Variants in KCNB2 observed in about 807,000 individuals in gnomAD.
KCNB2 encodes the protein potassium voltage-gated channel subfamily B member 2.
In KCNB2, 15 loss-of-function variants were observed where a neutral mutation model predicts 61.5. That is an observed-to-expected ratio of 0.24 (90% CI 0.16 to 0.38). The LOEUF is 0.38. Ranked by LOEUF, KCNB2 falls within the 10% of genes least tolerant of loss-of-function variation. KCNB2 has a pLI of 1.00. For synonymous variants in KCNB2, 457 were observed against 446.0 expected (o/e 1.02, Z -0.31); for missense variants, 828 against 1,125.2 (o/e 0.74, Z 3.78).
chr8:72,911,602 G>A (rs1006171258), intron 2 of KCNB2, among the ~76,000 whole-genome samples: 3 of 152,208 alleles, frequency 2.0e-5, no homozygotes, highest in African/African-American at 7.2e-5. Flanking sequence ...TGCCTTTTTA[G>A]CCAGGACTTT....
intron 2 of KCNB2, among the ~76,000 whole-genome samples, chr8:72,599,234 C>T (rs1010859364): frequency 2.0e-5 from 3 of 152,180 alleles, no homozygotes; most frequent in African/African-American, 7.2e-5. Flanking sequence ...CAGCATGGTA[C>T]TGCTACCAAA....
At chr8:72,848,130 T>C (rs1810030903) in intron 2 of KCNB2, among the ~76,000 whole-genome samples, 1 of 152,208 alleles carries the variant, frequency 6.6e-6, no homozygotes, top group Non-Finnish European at 1.5e-5. Context: ...TTTACACCAG[T>C]GAGGCCCAAT....
At chr8:72,713,022 A>C (rs2439338) in intron 2 of KCNB2, among the ~76,000 whole-genome samples, 104,083 of 152,194 alleles carry the variant, frequency 0.68, 36,497 homozygotes, top group African/African-American at 0.83. Context: ...TATCCCACAC[A>C]TGGCTTGGAG....
chr8:72,777,150 A>G (rs1044361334), intron 2 of KCNB2, among the ~76,000 whole-genome samples: 3 of 152,160 alleles, frequency 2.0e-5, no homozygotes, highest in Admixed American at 6.5e-5. Context: ...CTCTTTTTGT[A>G]GTGTACTGAT....
intron 2 of KCNB2, among the ~76,000 whole-genome samples, chr8:72,620,843 G>A (rs1306869341): frequency 6.6e-6 from 1 of 152,026 alleles, no homozygotes; most frequent in Non-Finnish European, 1.5e-5. Context: ...CCTGACCTCA[G>A]TTGATCCACC....
In KCNB2 at chr8:72,616,159, T is replaced by G. The variant is rs572142873; in HGVS notation, c.579+47846T>G. Reference sequence around the variant, plus strand: ...TTTAAGTCGAAGGATTCCTTTTGAGTTTGCACATTTTGTTGAAATTAAGTG... The same window carrying G: ...TTTAAGTCGAAGGATTCCTTTTGAGGTTGCACATTTTGTTGAAATTAAGTG... On this transcript the variant is annotated intron_variant, in intron 2 of 2. Coordinates refer to ENST00000523207, the MANE Select transcript of KCNB2 (RefSeq NM_004770.3). Among the ~76,000 whole-genome samples the G allele has an allele frequency of 2.0e-5, 3 of 152,306 alleles. No homozygotes were observed. The South Asian group carries it at 6.2e-4, about 32-fold the overall frequency.
chr8:72,620,755 C>T (rs1025752035), intron 2 of KCNB2, among the ~76,000 whole-genome samples: 2 of 152,018 alleles, frequency 1.3e-5, no homozygotes, highest in Non-Finnish European at 2.9e-5. Context: ...ATTACAGGTG[C>T]CTGCTACCAC....
At chr8:72,808,681 A>T (rs572105339) in intron 2 of KCNB2, among the ~76,000 whole-genome samples, 2 of 152,200 alleles carry the variant, frequency 1.3e-5, no homozygotes, top group African/African-American at 4.8e-5. Flanking sequence ...TAGATCATTT[A>T]GTAAGAAAAT....
intron 2 of KCNB2, among the ~76,000 whole-genome samples, chr8:72,641,065 G>A (rs1806047839): frequency 6.6e-6 from 1 of 152,048 alleles, no homozygotes; most frequent in Admixed American, 6.6e-5. Context: ...GAAAATGGAA[G>A]CAAAAGTGCA....
intron 2 of KCNB2, among the ~76,000 whole-genome samples, chr8:72,821,023 A>G (rs561776059): frequency 6.6e-6 from 1 of 152,180 alleles, no homozygotes; most frequent in Non-Finnish European, 1.5e-5. Context: ...ATGTTCTGGT[A>G]TTCTTTTCAT....
At chr8:72,790,695 T>C (rs1161128196) in intron 2 of KCNB2, among the ~76,000 whole-genome samples, 1 of 152,210 alleles carries the variant, frequency 6.6e-6, no homozygotes. Flanking sequence ...AACAATATCC[T>C]AATTTTTCAG....
intron 1 of KCNB2, among the ~76,000 whole-genome samples, chr8:72,555,455 T>A (rs1220434618): frequency 6.6e-6 from 1 of 151,894 alleles, no homozygotes; most frequent in Non-Finnish European, 1.5e-5. Flanking sequence ...AAATCCAAAT[T>A]GTAAAACCGA....
At chr8:72,825,263 G>C (rs1809578145) in intron 2 of KCNB2, among the ~76,000 whole-genome samples, 1 of 152,188 alleles carries the variant, frequency 6.6e-6, no homozygotes, top group Non-Finnish European at 1.5e-5. Flanking sequence ...TCCAGAGAGA[G>C]AGAGAGATCA....
At chr8:72,697,045 A>G (rs1807029442) in intron 2 of KCNB2, among the ~76,000 whole-genome samples, 1 of 152,212 alleles carries the variant, frequency 6.6e-6, no homozygotes, top group Non-Finnish European at 1.5e-5. Context: ...ATCAGTGTAA[A>G]TATCACTACT....
At chr8:72,909,640 T>C (rs1806248927) in intron 2 of KCNB2, among the ~76,000 whole-genome samples, 1 of 152,012 alleles carries the variant, frequency 6.6e-6, no homozygotes, top group African/African-American at 2.4e-5. Flanking sequence ...GTTCCAAGGT[T>C]TGGGCATGAA....
chr8:72,680,350 G>T (rs1312045400), intron 2 of KCNB2, among the ~76,000 whole-genome samples: 1 of 152,272 alleles, frequency 6.6e-6, no homozygotes, highest in East Asian at 1.9e-4. Flanking sequence ...TATGTACATG[G>T]GGCAATGCAC....
intron 2 of KCNB2, among the ~76,000 whole-genome samples, chr8:72,763,044 TAAAAA>T (rs36134958): frequency 1.7e-4 from 23 of 137,536 alleles, no homozygotes; most frequent in Non-Finnish European, 1.9e-4. Flanking sequence ...CTTTGCAAAG[TAAAAA>T]AAAAAAAAAA....
At chr8:72,929,127 A>T (rs995925527) in intron 2 of KCNB2, among the ~76,000 whole-genome samples, 2 of 152,174 alleles carry the variant, frequency 1.3e-5, no homozygotes, top group Non-Finnish European at 2.9e-5. Context: ...CAGATGAGAG[A>T]ACTGAAGCTC....
At chr8:72,596,952 G>A (rs1394576612) in intron 2 of KCNB2, among the ~76,000 whole-genome samples, 1 of 142,430 alleles carries the variant, frequency 7.0e-6, no homozygotes, top group Non-Finnish European at 1.5e-5. Context: ...AAACATTGCA[G>A]AAGCACTGGG....
Sources: allele counts gnomAD v4.1 joint callset (sites outside exome capture counted in the v4.1 genomes callset), GRCh38; gene constraint gnomAD v4.1.1; transcripts MANE v1.5; gene names NCBI Gene and HGNC (gene_info 2026-07-23, HGNC 2026-07-21).